The following MACF1 variants were observed in gnomAD, a reference collection of about 807,000 sequenced individuals.
MACF1 encodes microtubule-actin cross-linking factor 1.
In MACF1, 193 loss-of-function variants were observed where a neutral mutation model predicts 854.8. That is an observed-to-expected ratio of 0.23 (90% CI 0.20 to 0.25). The LOEUF is 0.25. MACF1 is among the 10% of genes least tolerant of loss of function. The probability of loss-of-function intolerance (pLI) is 1.00; values close to 1 mark genes in which losing one functional copy is unlikely to be tolerated. For missense variants in MACF1, 7,722 were observed against 8,929.1 expected (o/e 0.86, Z 5.45); for synonymous variants, 3,185 against 3,226.7 (o/e 0.99, Z 0.44).
At chr1:39,198,669 A>C (rs923111940) in intron 2 of MACF1, among the ~76,000 whole-genome samples, 1 of 151,304 alleles carries the variant, frequency 6.6e-6, no homozygotes, top group Non-Finnish European at 1.5e-5. Context: ...AAAAAAAAAA[A>C]AAAAAATTAG....
intron 2 of MACF1, among the ~76,000 whole-genome samples, chr1:39,162,718 T>C (rs1643825977): frequency 6.6e-6 from 1 of 152,196 alleles, no homozygotes; most frequent in South Asian, 2.1e-4. Flanking sequence ...TGATAGAATT[T>C]ACTTTACAAG....
At chr1:39,299,160 G>A (rs1317351582) in intron 21 of MACF1, 21 of 452,540 alleles carry the variant, frequency 4.6e-5, no homozygotes, top group Non-Finnish European at 8.9e-6. Context: ...TCTCAAGTAT[G>A]GAAATGTGGC....
intron 47 of MACF1, among the ~76,000 whole-genome samples, chr1:39,360,008 AAAAAATATATATAT>A (rs1327783043): frequency 2.6e-3 from 134 of 51,514 alleles, no homozygotes; most frequent in African/African-American, 9.4e-3. Flanking sequence ...AAAAAAAAAA[AAAAAATATATATAT>A]ATATATATAT....
intron 58 of MACF1, among the ~76,000 whole-genome samples, chr1:39,408,118 G>A (rs1642787005): frequency 6.6e-6 from 1 of 152,154 alleles, no homozygotes; most frequent in African/African-American, 2.4e-5. Flanking sequence ...GGAGGCTCAG[G>A]TTTCCTTGGC....
intron 26 of MACF1, among the ~76,000 whole-genome samples, chr1:39,314,614 C>T (rs886907769): frequency 2.8e-5 from 4 of 142,142 alleles, no homozygotes; most frequent in Non-Finnish European, 4.6e-5. Flanking sequence ...CACACAAATT[C>T]ATATGTATTT....
intron 38 of MACF1, among the ~76,000 whole-genome samples, chr1:39,339,097 A>G (rs551675952): frequency 1.3e-5 from 2 of 152,222 alleles, no homozygotes; most frequent in East Asian, 3.9e-4. Flanking sequence ...TGGGCAACAC[A>G]GTAAGAAATT....
intron 2 of MACF1, among the ~76,000 whole-genome samples, chr1:39,150,761 A>G (rs920641933): frequency 5.9e-5 from 9 of 152,216 alleles, no homozygotes; most frequent in Non-Finnish European, 1.2e-4. Flanking sequence ...ACTTGACACT[A>G]TGAAACACTC....
At chr1:39,269,278 G>C in intron 6 of MACF1, 16 of 1,289,866 alleles carry the variant, frequency 1.2e-5, no homozygotes, top group Admixed American at 2.3e-5. Context: ...AATATTCAGC[G>C]TGGGTTTCGG....
At chr1:39,174,517 T>C (rs1343938879) in intron 2 of MACF1, among the ~76,000 whole-genome samples, 1 of 152,144 alleles carries the variant, frequency 6.6e-6, no homozygotes, top group Non-Finnish European at 1.5e-5. Flanking sequence ...GAAGCAGACA[T>C]TCCCATTAGG....
upstream of MACF1, among the ~76,000 whole-genome samples, chr1:39,202,646 A>T (rs1237826352): frequency 2.0e-5 from 3 of 152,056 alleles, no homozygotes; most frequent in South Asian, 4.2e-4. Context: ...AAAAAAAAAA[A>T]AGTAAACTAT....
rs746483342 is a variant in MACF1, at chr1:39,334,001, C to A, written c.7413C>A (p.Asp2471Glu). Residue 2471 changes from aspartate (D) to glutamate (E), a missense_variant, in exon 37 of 101, where the codon GAC becomes GAA. By Grantham distance (45) the Asp-to-Glu change is conservative. Around this residue, in one of 15 missense-constraint regions of MACF1, gnomAD observed 1,531 missense variants for 1,601.6 expected, o/e 0.96. Coordinates refer to ENST00000564288, the MANE Select transcript of MACF1 (RefSeq NM_001394062.1). The stretch of plus-strand genomic sequence containing the variant: ...AAATGGAAACAACAGGACTTATAGA[C>A]CCTGATAGTAAAGCACCTTTAACAG... Reference protein sequence around the residue: ...SLQMETTGLIDPDSKAPLTVV... With the variant: ...SLQMETTGLIEPDSKAPLTVV... 3 of 1,614,144 alleles carry A rather than the reference C, an allele frequency of 1.9e-6. No homozygotes were observed. The Admixed American group carries it at 5.0e-5, about 27-fold the overall frequency.
chr1:39,107,244 G>A lies in MACF1; in HGVS notation c.220+22806G>A, dbSNP rs142630504. 2.0e-5 allele frequency among the ~76,000 whole-genome samples: 3 copies of A among 152,242 alleles called. No homozygotes were observed. The East Asian group carries it at 5.8e-4, about 29-fold the overall frequency. On this transcript the variant is annotated intron_variant, in intron 2 of 93. Transcript: ENST00000361689. ...GATGGTAGTACTGGTGACCTCCAGC[G>A]GAAAGGAAGTTGGACTCCTAGCAAA...
chr1:39,092,461 A>G (rs1641830398), intron 2 of MACF1, among the ~76,000 whole-genome samples: 1 of 152,204 alleles, frequency 6.6e-6, no homozygotes, highest in Non-Finnish European at 1.5e-5. Flanking sequence ...TCTCAACAGA[A>G]ATGTTAAGTA....
At chr1:39,128,722 A>G (rs1487872280) in intron 2 of MACF1, among the ~76,000 whole-genome samples, 1 of 151,878 alleles carries the variant, frequency 6.6e-6, no homozygotes, top group Non-Finnish European at 1.5e-5. Context: ...GATTTCTGCT[A>G]TTGCACCCTT....
Position 39,284,070 on chromosome 1 carries a change from T to C in MACF1, c.920T>C (p.Val307Ala), listed in dbSNP as rs1462132020. 6.2e-7 allele frequency: 1 copy of C among 1,613,934 alleles called. No homozygotes were observed. Among genetic ancestry groups the C allele is most frequent in the South Asian group, 1.1e-5 (1 of 91,040 alleles). The change falls in exon 10 of 101, where the codon GTG (valine) becomes GCG (alanine). Residue 307 changes from valine to alanine, a missense_variant. By Grantham distance (64) the Val-to-Ala change is moderately conservative. Coordinates refer to ENST00000564288, the MANE Select transcript of MACF1 (RefSeq NM_001394062.1). Reference sequence around the variant, plus strand: ...ATGTTTACCTTCTGGCAATAGGAAGTGGACTCCAGGTGGCAAGAATACCAA... The same window carrying C: ...ATGTTTACCTTCTGGCAATAGGAAGCGGACTCCAGGTGGCAAGAATACCAA... ...EGGEGISATE[V>A]DSRWQEYQSR...
chr1:39,323,294 T>C (rs1282591823), intron 33 of MACF1, among the ~76,000 whole-genome samples: 2 of 152,058 alleles, frequency 1.3e-5, no homozygotes, highest in Non-Finnish European at 2.9e-5. Context: ...GTGACCATGA[T>C]TGTGCCACTG....
At chr1:39,250,343 C>T (rs565736693) in intron 3 of MACF1, 4 of 335,378 alleles carry the variant, frequency 1.2e-5, no homozygotes, top group Non-Finnish European at 2.1e-5. Context: ...TAGTTATAAT[C>T]CTTTTTATAT....
At chr1:39,235,096 G>A (rs1185163748) in intron 2 of MACF1, among the ~76,000 whole-genome samples, 14 of 152,098 alleles carry the variant, frequency 9.2e-5, no homozygotes, top group Non-Finnish European at 1.6e-4. Flanking sequence ...TCACTTCCCA[G>A]ACGGGGTGGC....
chr1:39,421,198 C>G (rs1643523903), intron 58 of MACF1, among the ~76,000 whole-genome samples: 2 of 152,192 alleles, frequency 1.3e-5, no homozygotes, highest in South Asian at 4.1e-4. Flanking sequence ...AAGTACCATT[C>G]TCTTCTGACC....
Sources: gnomAD v4.1 joint callset for allele counts (sites outside exome capture counted in the v4.1 genomes callset) on GRCh38, gnomAD v4.1.1 for gene constraint, gnomAD v4.1.1 regional missense constraint, MANE v1.5 for transcripts, NCBI Gene and HGNC (gene_info 2026-07-23, HGNC 2026-07-21) for gene names.